Variants in NCKAP5 observed in about 807,000 individuals in gnomAD.
NCKAP5 encodes NCK associated protein 5.
NCKAP5 carries 92 observed loss-of-function variants against 167.0 expected under a neutral mutation model. That is an observed-to-expected ratio of 0.55 (90% CI 0.47 to 0.66). The LOEUF is 0.66. NCKAP5 is among the 30% of genes least tolerant of loss of function. The pLI is 0.00. For missense variants in NCKAP5, 2,378 were observed against 2,315.0 expected (o/e 1.03, Z -0.56); for synonymous variants, 891 against 877.4 (o/e 1.02, Z -0.27).
upstream of NCKAP5, among the ~76,000 whole-genome samples, chr2:133,573,179 C>T (rs532517033): frequency 2.0e-5 from 3 of 152,288 alleles, no homozygotes; most frequent in East Asian, 3.9e-4. Context: ...AGCCCTCTTA[C>T]ATAAATCAAA....
At chr2:133,119,889 T>C (rs2149754108) in intron 6 of NCKAP5, among the ~76,000 whole-genome samples, 2 of 151,946 alleles carry the variant, frequency 1.3e-5, no homozygotes, top group East Asian at 3.9e-4. Flanking sequence ...TAATAGGCTC[T>C]CCCTATCATA....
At chr2:133,218,085 C>T (rs1382709634) in intron 4 of NCKAP5, among the ~76,000 whole-genome samples, 6 of 151,374 alleles carry the variant, frequency 4.0e-5, no homozygotes, top group African/African-American at 1.5e-4. Flanking sequence ...CTGAGGATCC[C>T]AAAGAGATTT....
intron 11 of NCKAP5, among the ~76,000 whole-genome samples, chr2:132,808,278 G>T (rs533589795): frequency 6.6e-6 from 1 of 152,194 alleles, no homozygotes; most frequent in Non-Finnish European, 1.5e-5. Context: ...TTCATATAAT[G>T]AATTAGGGAA....
At chr2:133,382,186 GAAC>G (rs1160921498) in intron 3 of NCKAP5, among the ~76,000 whole-genome samples, 2 of 152,156 alleles carry the variant, frequency 1.3e-5, no homozygotes, top group East Asian at 3.9e-4. Context: ...CAAATTCAAC[GAAC>G]ATCATCATCA....
intron 9 of NCKAP5, among the ~76,000 whole-genome samples, chr2:132,873,402 T>C (rs896693197): frequency 2.0e-5 from 3 of 152,204 alleles, no homozygotes; most frequent in Middle Eastern, 3.2e-3. Context: ...CGTGAGCCAC[T>C]GCGCCCAGCC....
At chr2:133,345,270 G>C (rs555718739) in intron 3 of NCKAP5, among the ~76,000 whole-genome samples, 141 of 152,162 alleles carry the variant, frequency 9.3e-4, no homozygotes, top group African/African-American at 3.2e-3. Context: ...CTCCAAGTGT[G>C]AAGTGACAGC....
intron 6 of NCKAP5, among the ~76,000 whole-genome samples, chr2:133,041,778 T>A (rs774623185): frequency 6.6e-6 from 1 of 152,186 alleles, no homozygotes; most frequent in African/African-American, 2.4e-5. Flanking sequence ...TCCTTTGTTC[T>A]ATATTGATTA....
chr2:133,141,972 C>T (rs73000813), intron 5 of NCKAP5, among the ~76,000 whole-genome samples: 4,084 of 152,190 alleles, frequency 0.027, 186 homozygotes, highest in African/African-American at 0.093. Flanking sequence ...TGGTTCAATG[C>T]TTTAGTATTT....
chr2:133,355,989 G>A (rs886140484), intron 3 of NCKAP5, among the ~76,000 whole-genome samples: 1 of 151,920 alleles, frequency 6.6e-6, no homozygotes. Flanking sequence ...GTGCAGCGGC[G>A]TGATCATGTC....
the NCKAP5 span, among the ~76,000 whole-genome samples, chr2:133,647,643 AAGGGAGAGAGAG>A: frequency 4.3e-5 from 6 of 139,376 alleles, no homozygotes; most frequent in South Asian, 2.7e-4. Context: ...GGAAGGAAGA[AAGGGAGAGAGAG>A]AGGGAGAGAG....
chr2:132,930,100 G>C (rs1333436770), intron 8 of NCKAP5: 1 of 152,090 alleles, frequency 6.6e-6, no homozygotes, highest in African/African-American at 2.4e-5. Flanking sequence ...TATAAGCCAG[G>C]TCCCCGTAAC....
chr2:133,067,330 A>G (rs2080233685), intron 6 of NCKAP5, among the ~76,000 whole-genome samples: 1 of 152,278 alleles, frequency 6.6e-6, no homozygotes, highest in African/African-American at 2.4e-5. Context: ...AATGCTACTT[A>G]AATTTATGTT....
chr2:132,936,099 A>C (rs895684191), intron 8 of NCKAP5, among the ~76,000 whole-genome samples: 7 of 150,850 alleles, frequency 4.6e-5, no homozygotes, highest in African/African-American at 1.7e-4. Context: ...CTCCTGCCTC[A>C]GCCTCCCAAG....
intron 19 of NCKAP5, among the ~76,000 whole-genome samples, chr2:132,695,650 C>A (rs1255788680): frequency 6.6e-6 from 1 of 152,074 alleles, no homozygotes; most frequent in Non-Finnish European, 1.5e-5. Flanking sequence ...AGGAGCGAAT[C>A]CAAAATAGGA....
intron 5 of NCKAP5, among the ~76,000 whole-genome samples, chr2:133,188,836 A>T (rs2085072816): frequency 6.6e-6 from 1 of 152,210 alleles, no homozygotes; most frequent in African/African-American, 2.4e-5. Flanking sequence ...AAAGCAGGAA[A>T]TATCTAAAAT....
intron 19 of NCKAP5, among the ~76,000 whole-genome samples, chr2:132,717,407 A>G (rs1028680014): frequency 6.6e-6 from 1 of 152,248 alleles, no homozygotes; most frequent in African/African-American, 2.4e-5. Context: ...TGCATATTAC[A>G]GAGATTTGTC....
chr2:133,143,095 T>C (rs1032184909), intron 5 of NCKAP5, among the ~76,000 whole-genome samples: 1 of 119,172 alleles, frequency 8.4e-6, no homozygotes, highest in South Asian at 2.4e-4. Context: ...TAAAAACGTG[T>C]TTTTTTTTTA....
At chr2:132,927,209 C>A (rs1253028712) in intron 8 of NCKAP5, among the ~76,000 whole-genome samples, 1 of 152,078 alleles carries the variant, frequency 6.6e-6, no homozygotes, top group African/African-American at 2.4e-5. Flanking sequence ...GTTCTCTATT[C>A]TGTTTCTTTG....
At chr2:133,097,169 G>A (rs2081369102) in intron 6 of NCKAP5, among the ~76,000 whole-genome samples, 1 of 152,154 alleles carries the variant, frequency 6.6e-6, no homozygotes, top group African/African-American at 2.4e-5. Flanking sequence ...CAATGGCAGG[G>A]AGGCAAGGAG....
Sources: allele counts gnomAD v4.1 joint callset (sites outside exome capture counted in the v4.1 genomes callset), GRCh38; gene constraint gnomAD v4.1.1; transcripts MANE v1.5; gene names NCBI Gene and HGNC (gene_info 2026-07-23, HGNC 2026-07-21).